The following VPS13B variants were observed in gnomAD, a reference collection of about 807,000 sequenced individuals.
VPS13B encodes the protein vacuolar protein sorting 13 homolog B.
In VPS13B, 285 loss-of-function variants were observed where a neutral mutation model predicts 426.4. The ratio of observed to expected loss-of-function variants is 0.67; its 90% CI spans 0.61 to 0.74. The LOEUF is 0.74. VPS13B is among the 30% of genes least tolerant of loss of function. VPS13B has a pLI of 0.00. For missense variants in VPS13B, 4,537 were observed against 4,782.6 expected, an observed-to-expected ratio of 0.95 and a Z score of 1.51; for synonymous variants, 1,676 against 1,676.4, an observed-to-expected ratio of 1.00 and a Z score of 0.01.
intron 6 of VPS13B, 58 bp from the exon 7 acceptor site, chr8:99,115,642 T>TA (rs1410586332): frequency 1.3e-6 from 2 of 1,554,742 alleles, no homozygotes; most frequent in South Asian, 1.2e-5. Context: ...TTTCTTTATG[T>TA]AAAAAATACT....
At chr8:99,389,330 A>C (rs1814296346) in intron 20 of VPS13B, among the ~76,000 whole-genome samples, 1 of 152,154 alleles carries the variant, frequency 6.6e-6, no homozygotes, top group South Asian at 2.1e-4. Flanking sequence ...TACACTGTAT[A>C]GCACATAAAT....
intron 19 of VPS13B, among the ~76,000 whole-genome samples, chr8:99,311,787 A>T (rs1486855695): frequency 1.3e-5 from 2 of 152,126 alleles, no homozygotes; most frequent in Non-Finnish European, 2.9e-5. Context: ...GTCTCCCATT[A>T]TTATAGTGTG....
chr8:99,658,809 G>T (rs781451897), intron 34 of VPS13B, among the ~76,000 whole-genome samples: 1 of 151,906 alleles, frequency 6.6e-6, no homozygotes, highest in Non-Finnish European at 1.5e-5. Context: ...TCTTGTTGTT[G>T]TTGTTTTTGT....
chr8:99,257,561 TACACACACAC>T (rs34558672), intron 17 of VPS13B, among the ~76,000 whole-genome samples: 1 of 150,834 alleles, frequency 6.6e-6, no homozygotes, highest in African/African-American at 2.4e-5. Context: ...TGCATGTGTG[TACACACACAC>T]ACACACACAC....
At chr8:99,397,318 T>G (rs1044379930) in intron 21 of VPS13B, among the ~76,000 whole-genome samples, 1 of 152,132 alleles carries the variant, frequency 6.6e-6, no homozygotes, top group Non-Finnish European at 1.5e-5. Context: ...CTAATTTTTG[T>G]ATTTTTAGTA....
In VPS13B at chr8:99,832,650, C is replaced by T; in HGVS notation, c.9612C>T (p.Thr3204=). ...ATTTCCGGGAAAATGGATTCTGTACCAGGTATTTTATGTTTATATAAATGT... is the reference window on the plus strand; with the variant it reads ...ATTTCCGGGAAAATGGATTCTGTACTAGGTATTTTATGTTTATATAAATGT... The part of the protein sequence containing the change: ...LGNFRENGFC[T]RAIVLTYQEH... The change falls in exon 52 of 62, where the codon ACC becomes ACT. Residue 3204 remains threonine (T), a splice_region_variant and synonymous_variant. Transcript: ENST00000357162. 6.2e-7 allele frequency: 1 copy of T among 1,613,414 alleles called. No individual in the cohort carries two copies. The highest frequency in any genetic ancestry group is 8.5e-7 in the Non-Finnish European group (1 of 1,179,994).
chr8:99,045,175 G>A (rs1843170998), intron 3 of VPS13B, among the ~76,000 whole-genome samples: 1 of 152,134 alleles, frequency 6.6e-6, no homozygotes, highest in African/African-American at 2.4e-5. Flanking sequence ...CACCAGCAGT[G>A]TAGAAGTGTT....
chr8:99,679,009 A>G (rs1334427534), intron 35 of VPS13B, among the ~76,000 whole-genome samples: 2 of 152,166 alleles, frequency 1.3e-5, no homozygotes, highest in African/African-American at 2.4e-5. Flanking sequence ...TGGCTTCTCT[A>G]TGTTTTAAAC....
chr8:99,035,433 C>T (rs902058673), intron 2 of VPS13B, among the ~76,000 whole-genome samples: 3 of 152,048 alleles, frequency 2.0e-5, no homozygotes, highest in Admixed American at 1.3e-4. Context: ...TTTATCTTTT[C>T]GTAACTGGCT....
chr8:99,784,942 G>A (rs1227681097), intron 43 of VPS13B, among the ~76,000 whole-genome samples: 1 of 152,050 alleles, frequency 6.6e-6, no homozygotes, highest in Non-Finnish European at 1.5e-5. Context: ...GTCCTTGGTA[G>A]CAGGCACATG....
intron 19 of VPS13B, among the ~76,000 whole-genome samples, chr8:99,323,496 A>G (rs1476350031): frequency 6.6e-6 from 1 of 152,226 alleles, no homozygotes; most frequent in Non-Finnish European, 1.5e-5. Flanking sequence ...ATATTGCAAT[A>G]TGGCTTATTA....
intron 54 of VPS13B, among the ~76,000 whole-genome samples, chr8:99,837,211 C>G (rs1400469717): frequency 6.6e-6 from 1 of 152,042 alleles, no homozygotes; most frequent in African/African-American, 2.4e-5. Flanking sequence ...TGGCTGGAGA[C>G]AGGGGAAGGG....
At chr8:99,449,561 C>T (rs1818087959) in intron 23 of VPS13B, among the ~76,000 whole-genome samples, 1 of 151,610 alleles carries the variant, frequency 6.6e-6, no homozygotes, top group Admixed American at 6.6e-5. Context: ...AGGCAGGGAA[C>T]GTAATGTTAT....
At chr8:99,491,416 A>C (rs1820596570) in intron 25 of VPS13B, among the ~76,000 whole-genome samples, 1 of 152,206 alleles carries the variant, frequency 6.6e-6, no homozygotes, top group South Asian at 2.1e-4. Context: ...CTGCTTTGCT[A>C]GACTGGGGAA....
intron 30 of VPS13B, 90 bp from the exon 31 acceptor site, chr8:99,556,360 T>G: frequency 7.2e-7 from 1 of 1,384,876 alleles, no homozygotes; most frequent in Non-Finnish European, 9.9e-7. Context: ...AAAATGGTAT[T>G]GACACTATGT....
At chr8:99,833,711 AAAC>A (rs1333298898) in intron 52 of VPS13B, among the ~76,000 whole-genome samples, 1 of 152,218 alleles carries the variant, frequency 6.6e-6, no homozygotes, top group Non-Finnish European at 1.5e-5. Context: ...ATTTTTTAAA[AAAC>A]AAAATTTGAA....
intron 5 of VPS13B, among the ~76,000 whole-genome samples, chr8:99,106,202 C>T (rs12676262): frequency 0.74 from 112,245 of 151,448 alleles, 42,258 homozygotes; most frequent in South Asian, 0.87. Flanking sequence ...GAGGCTGAGG[C>T]GGGCGGATCC....
Position 99,511,274 on chromosome 8 carries a change from T to A in VPS13B, c.4395T>A (p.His1465Gln). 9 of 1,614,106 alleles carry A rather than the reference T, an allele frequency of 5.6e-6. No individual in the cohort carries two copies. The highest frequency in any genetic ancestry group is 1.7e-5 in the Admixed American group (1 of 60,020). Residue 1465 changes from histidine to glutamine, a missense_variant, in exon 29 of 62, where the codon CAT (histidine) becomes CAA (glutamine). His to Gln is a conservative substitution (Grantham distance 24). Around this residue, in one of 2 missense-constraint regions of VPS13B, gnomAD observed 4,311 missense variants for 4,474.3 expected, o/e 0.96. Coordinates refer to ENST00000357162, the MANE Select transcript of VPS13B (RefSeq NM_152564.5). ...TGGATGGTTCTCCTCATTTTCTTCA[T>A]GAAATTCTTCTTTCAGCACAAGCTT... ...GLMDGSPHFL[H>Q]EILLSAQAFD...
chr8:99,868,590 A>C, intron 59 of VPS13B, 125 bp downstream of exon 59: 1 of 1,134,052 alleles, frequency 8.8e-7, no homozygotes, highest in Non-Finnish European at 1.3e-6. Flanking sequence ...TTACCTCTCT[A>C]TGCTTATTTA....
Sources: gnomAD v4.1 joint callset for allele counts (sites outside exome capture counted in the v4.1 genomes callset) on GRCh38, gnomAD v4.1.1 for gene constraint, gnomAD v4.1.1 regional missense constraint, MANE v1.5 for transcripts, NCBI Gene and HGNC (gene_info 2026-07-23, HGNC 2026-07-21) for gene names.